ZAN: variants seen among roughly 807,000 people sequenced by gnomAD.
ZAN encodes the protein zonadhesin (gene/pseudogene).
Under a neutral mutation model 286.2 loss-of-function variants are expected in ZAN, and 260 were observed. The ratio of observed to expected loss-of-function variants is 0.91; its 90% CI spans 0.82 to 1.01. The LOEUF (loss-of-function observed/expected upper bound fraction) is 1.01. Among genes scored for constraint, ZAN ranks in the 50% least tolerant of loss-of-function variants. ZAN has a pLI of 0.00. For missense variants in ZAN, 3,410 were observed against 3,639.2 expected (o/e 0.94, Z 1.62); for synonymous variants, 1,368 against 1,417.5 (o/e 0.97, Z 0.79).
In ZAN at chr7:100,769,793, T is replaced by C. The variant is rs555128301; in HGVS notation, c.5154-87T>C. 1.3e-5 allele frequency: 16 copies of C among 1,207,250 alleles called. No individual in the cohort carries two copies. In the African/African-American group the frequency reaches 2.3e-4, roughly 17 times the overall value. The allele number at this position is 1,207,250 out of a possible 1,614,324, so 74.8% of individuals were successfully genotyped here. On this transcript the variant is annotated intron_variant, in intron 27 of 47. Coordinates refer to ENST00000613979, the MANE Select transcript of ZAN (RefSeq NM_003386.3). Reference sequence around the variant, plus strand: ...AACTTCTGGTCTCAAGCGATCCTCCTGCCTTGGCTTCCCAAAGTGCTGGGA... The same window carrying C: ...AACTTCTGGTCTCAAGCGATCCTCCCGCCTTGGCTTCCCAAAGTGCTGGGA...
chr7:100,781,214 C>T (rs942652542), intron 35 of ZAN, among the ~76,000 whole-genome samples: 8 of 151,954 alleles, frequency 5.3e-5, no homozygotes, highest in East Asian at 3.9e-4. Context: ...ACTGCAGGCA[C>T]GCACCACCAC....
intron 34 of ZAN, among the ~76,000 whole-genome samples, chr7:100,778,861 C>T (rs202236478): frequency 3.5e-4 from 54 of 152,158 alleles, no homozygotes; most frequent in East Asian, 3.9e-4. Flanking sequence ...GGTGAAACCT[C>T]GTCTCTATTA....
chr7:100,777,636 AC>A (rs1428831590), intron 34 of ZAN, among the ~76,000 whole-genome samples: 1 of 152,174 alleles, frequency 6.6e-6, no homozygotes, highest in Non-Finnish European at 1.5e-5. Context: ...TGCTAGGATT[AC>A]AGGCATGAGC....
rs1018200761 is a variant in ZAN, at chr7:100,776,494, C to T, written c.6247C>T (p.Pro2083Ser). The T allele has an allele frequency of 1.3e-6, 2 of 1,596,084 alleles. No homozygotes were observed. The highest frequency in any genetic ancestry group is 1.3e-5 in the African/African-American group (1 of 74,620). The change falls in exon 34 of 48, where the codon CCC (proline) becomes TCC (serine). Residue 2083 changes from proline (P) to serine (S), a missense_variant. Coordinates refer to ENST00000613979, the MANE Select transcript of ZAN (RefSeq NM_003386.3). ...TGAGGAAGAGGACGAACTAATGATG[C>T]CCAGCGATGAAGTAGCAAATAGTGA... ...NDEEEDELMM[P>S]SDEVANSDSE...
intron 35 of ZAN, among the ~76,000 whole-genome samples, chr7:100,780,697 C>T (rs1811140866): frequency 6.6e-6 from 1 of 151,864 alleles, no homozygotes; most frequent in Non-Finnish European, 1.5e-5. Flanking sequence ...AAAAAGATAC[C>T]AGTGTACCGT....
chr7:100,797,259 A>C, intron 45 of ZAN, 107 bp from the exon 46 acceptor site: 1 of 1,015,892 alleles, frequency 9.8e-7, no homozygotes, highest in Admixed American at 2.0e-5. Context: ...AGATTTAGAG[A>C]GATGAGGTCC....
chr7:100,756,895 A>G (rs566650194), intron 15 of ZAN, among the ~76,000 whole-genome samples: 2 of 152,120 alleles, frequency 1.3e-5, no homozygotes, highest in South Asian at 4.1e-4. Flanking sequence ...CAGACTCCGG[A>G]GTACCTGGGA....
Position 100,775,330 on chromosome 7 carries a change from G to C in ZAN, c.5782G>C (p.Val1928Leu). ...DGLLHCRASG[V>L]GVCQLPGESH... ...CAGCTGTCTCTCTGTCCTCCCAGGT[G>C]TGGGAGTGTGTCAGCTCCCAGGGGA... The change falls in exon 32 of 48, where the codon GTG becomes CTG. Residue 1928 changes from valine (V) to leucine (L), a missense_variant and splice_region_variant. Transcript: ENST00000613979. 6.2e-7 allele frequency: 1 copy of C among 1,612,924 alleles called. No homozygotes were observed. Among genetic ancestry groups the C allele is most frequent in the Non-Finnish European group, 8.5e-7 (1 of 1,179,506 alleles).
At chr7:100,747,662 A>G in intron 9 of ZAN, 21 bp downstream of exon 9, 4 of 1,601,934 alleles carry the variant, frequency 2.5e-6, no homozygotes, top group Non-Finnish European at 3.4e-6. Flanking sequence ...GCAAGGGGTC[A>G]GGTCCTTGCA....
chr7:100,733,861 C>T lies in ZAN; in HGVS notation c.-142-166C>T, dbSNP rs1284708824. 5.7e-5 allele frequency among the ~76,000 whole-genome samples: 8 copies of T among 140,938 alleles called. 2 individuals are homozygous for T. The highest frequency in any genetic ancestry group is 4.8e-5 in the Non-Finnish European group (3 of 63,020). 92.5% of individuals were successfully genotyped at this position (140,938 alleles called of 152,430 possible). On this transcript the variant is annotated intron_variant, in intron 1 of 47. Transcript: ENST00000613979. ...TTTTCCTTTGTTCTCTCTTTTTGAA[C>T]TCCTTTCGTTTGAGGTTAGACTTCC...
chr7:100,747,848 C>T (rs930830410), intron 9 of ZAN, among the ~76,000 whole-genome samples: 3 of 151,708 alleles, frequency 2.0e-5, no homozygotes, highest in Non-Finnish European at 4.4e-5. Context: ...AAAAATTAGG[C>T]GGGCACAGTG....
chr7:100,782,537 G>A (rs550243311), intron 35 of ZAN, among the ~76,000 whole-genome samples: 3 of 152,204 alleles, frequency 2.0e-5, no homozygotes, highest in Admixed American at 6.5e-5. Context: ...CACCATGTTG[G>A]CCAGGCTGGT....
At position 100,751,211 on chromosome 7, in the gene ZAN, C is replaced by T. The variant is rs1808638173; in HGVS notation, c.1551C>T (p.Asn517=). 2 of 1,610,188 alleles carry T rather than the reference C, an allele frequency of 1.2e-6. No individual in the cohort carries two copies. Among genetic ancestry groups the T allele is most frequent in the African/African-American group, 1.3e-5 (1 of 74,802 alleles). Residue 517 remains asparagine (N), a synonymous_variant, in exon 13 of 48, where the codon AAC becomes AAT. Coordinates refer to ENST00000613979, the MANE Select transcript of ZAN (RefSeq NM_003386.3). ...TTTTCAAGGGCATCCAGGGAAGCAA[C>T]ACGGCCTCTGTGGTTGCTATGGGTT... ...QLIFKGIQGS[N]TASVVAMGFI...
At chr7:100,783,783 T>TATATATATATATATATAC (rs377402352) in intron 35 of ZAN, among the ~76,000 whole-genome samples, 1 of 20,488 alleles carries the variant, frequency 4.9e-5, no homozygotes, top group African/African-American at 1.4e-4. Context: ...TATATATATA[T>TATATATATATATATATAC]ACACATATAT....
intron 41 of ZAN, 90 bp from the exon 42 acceptor site, chr7:100,792,315 C>A (rs1812030650): frequency 1.3e-6 from 2 of 1,519,192 alleles, no homozygotes; most frequent in African/African-American, 1.4e-5. Context: ...TGATGTCTTT[C>A]TGTTTGGGGT....
chr7:100,788,471 G>A (rs1811724229), intron 38 of ZAN, among the ~76,000 whole-genome samples: 1 of 152,060 alleles, frequency 6.6e-6, no homozygotes, highest in African/African-American at 2.4e-5. Flanking sequence ...AGGATCACTT[G>A]AGCCCAGGAG....
At chr7:100,737,174 C>T in intron 5 of ZAN, 88 bp from the exon 6 acceptor site, 2 of 1,422,860 alleles carry the variant, frequency 1.4e-6, no homozygotes, top group Non-Finnish European at 1.9e-6. Flanking sequence ...TTGTGGGGGC[C>T]AAGCCATCTG....
chr7:100,738,959 CT>C (rs1807539886), intron 7 of ZAN, among the ~76,000 whole-genome samples: 1 of 24,748 alleles, frequency 4.0e-5, no homozygotes, highest in African/African-American at 1.3e-4. Context: ...CCCTCTCCCT[CT>C]CCCTCTCCCT....
At chr7:100,782,681 TTGTG>T (rs869143804) in intron 35 of ZAN, among the ~76,000 whole-genome samples, 2 of 100,070 alleles carry the variant, frequency 2.0e-5, no homozygotes, top group African/African-American at 8.2e-5. Flanking sequence ...TGGGTTTTTT[TTGTG>T]TGTGTGTGTG....
Sources: allele counts gnomAD v4.1 joint callset (sites outside exome capture counted in the v4.1 genomes callset), GRCh38; gene constraint gnomAD v4.1.1; transcripts MANE v1.5; gene names NCBI Gene and HGNC (gene_info 2026-07-23, HGNC 2026-07-21).